The following MRTFB variants were observed in gnomAD, a reference collection of about 807,000 sequenced individuals.
The protein encoded by MRTFB is myocardin related transcription factor B.
A neutral mutation model predicts 104.2 loss-of-function variants in MRTFB; 29 were observed. That is an observed-to-expected ratio of 0.28 (90% CI 0.21 to 0.38). MRTFB has a LOEUF of 0.38. MRTFB is among the 10% of genes least tolerant of loss of function. The pLI is 1.00. For synonymous variants in MRTFB, 535 were observed against 519.5 expected (o/e 1.03, Z -0.41); for missense variants, 1,270 against 1,341.6 (o/e 0.95, Z 0.83).
At chr16:14,014,591 C>T in the MRTFB span, among the ~76,000 whole-genome samples, 3 of 151,864 alleles carry the variant, frequency 2.0e-5, no homozygotes, top group Non-Finnish European at 2.9e-5. Flanking sequence ...CAGTGGCTCA[C>T]GCCTGTAATC....
At chr16:14,182,953 A>G (rs2039819565) in intron 3 of MRTFB, among the ~76,000 whole-genome samples, 1 of 152,212 alleles carries the variant, frequency 6.6e-6, no homozygotes, top group African/African-American at 2.4e-5. Context: ...TAATAAATGT[A>G]GAAGGAATGA....
At chr16:14,009,963 C>T in the MRTFB span, among the ~76,000 whole-genome samples, 3 of 152,302 alleles carry the variant, frequency 2.0e-5, no homozygotes, top group Admixed American at 2.0e-4. Flanking sequence ...CATCCACTTG[C>T]TCACCAGAGG....
chr16:14,199,664 A>T (rs534386226), intron 3 of MRTFB, among the ~76,000 whole-genome samples: 2 of 152,216 alleles, frequency 1.3e-5, no homozygotes, highest in African/African-American at 4.8e-5. Flanking sequence ...ATGTATCTCA[A>T]ATCTATTCAT....
intron 3 of MRTFB, among the ~76,000 whole-genome samples, chr16:14,154,755 T>TA (rs1414772717): frequency 1.3e-5 from 2 of 152,222 alleles, no homozygotes; most frequent in Non-Finnish European, 2.9e-5. Context: ...CAAGCTTACT[T>TA]ACTTTGCTTT....
At chr16:14,070,015 C>T (rs1185743069), upstream of MRTFB, among the ~76,000 whole-genome samples, 1 of 152,212 alleles carries the variant, frequency 6.6e-6, no homozygotes, top group Non-Finnish European at 1.5e-5. Flanking sequence ...GCAATTGGTT[C>T]CGGGGAGAGT....
At chr16:14,180,292 G>A (rs1427073117) in intron 3 of MRTFB, among the ~76,000 whole-genome samples, 2 of 152,184 alleles carry the variant, frequency 1.3e-5, no homozygotes, top group Admixed American at 6.5e-5. Flanking sequence ...AGACATATTT[G>A]TATCAATAAG....
At chr16:14,150,641 T>G (rs2038567525) in intron 3 of MRTFB, among the ~76,000 whole-genome samples, 1 of 152,092 alleles carries the variant, frequency 6.6e-6, no homozygotes, top group African/African-American at 2.4e-5. Flanking sequence ...CAAGACCAGC[T>G]TGGACAATAT....
chr16:14,139,438 A>G (rs1429748993), intron 2 of MRTFB, among the ~76,000 whole-genome samples: 1 of 152,216 alleles, frequency 6.6e-6, no homozygotes, highest in Non-Finnish European at 1.5e-5. Flanking sequence ...AACAACTGGA[A>G]TTCTCATACC....
At chr16:14,208,015 A>G (rs2041025153) in intron 3 of MRTFB, among the ~76,000 whole-genome samples, 1 of 152,240 alleles carries the variant, frequency 6.6e-6, no homozygotes, top group Admixed American at 6.5e-5. Context: ...CCAGTTGGGC[A>G]TCCAGAATTG....
the MRTFB span, among the ~76,000 whole-genome samples, chr16:14,060,963 A>G: frequency 2.1e-3 from 316 of 152,154 alleles, 2 homozygotes; most frequent in Admixed American, 4.1e-3. Flanking sequence ...TGGCTAACAC[A>G]GTGAAACCCT....
chr16:14,246,312 ATCTGTT>A (rs1259258579), intron 11 of MRTFB, among the ~76,000 whole-genome samples, 155 bp from the exon 12 acceptor site: 1 of 152,172 alleles, frequency 6.6e-6, no homozygotes, highest in African/African-American at 2.4e-5. Context: ...GTCTGTAGTT[ATCTGTT>A]TCTGTGTGCT....
the MRTFB span, among the ~76,000 whole-genome samples, chr16:14,012,316 T>TTTTTG: frequency 6.8e-6 from 1 of 146,214 alleles, no homozygotes; most frequent in Non-Finnish European, 1.5e-5. Flanking sequence ...TTTTTTTTTT[T>TTTTTG]GAGACAGAGT....
chr16:14,219,567 A>G (rs559819428), intron 8 of MRTFB, among the ~76,000 whole-genome samples: 15 of 152,328 alleles, frequency 9.8e-5, no homozygotes, highest in African/African-American at 3.6e-4. Context: ...GCATCATAGA[A>G]TTTTTGAGTT....
chr16:14,008,545 T>C, the MRTFB span, among the ~76,000 whole-genome samples: 2 of 152,214 alleles, frequency 1.3e-5, no homozygotes, highest in East Asian at 3.8e-4. Flanking sequence ...AAGTGATCTA[T>C]ATGTCTGTCC....
At chr16:14,136,626 G>T (rs1358937645) in intron 2 of MRTFB, among the ~76,000 whole-genome samples, 1 of 152,024 alleles carries the variant, frequency 6.6e-6, no homozygotes, top group African/African-American at 2.4e-5. Flanking sequence ...CTGATTTGGG[G>T]ACTACCTTAG....
chr16:14,014,605 G>A, the MRTFB span, among the ~76,000 whole-genome samples: 2 of 152,020 alleles, frequency 1.3e-5, no homozygotes, highest in Non-Finnish European at 2.9e-5. Context: ...TGTAATCTCA[G>A]CACTTTGGGA....
chr16:14,000,736 C>T, the MRTFB span, among the ~76,000 whole-genome samples: 1 of 152,230 alleles, frequency 6.6e-6, no homozygotes, highest in Non-Finnish European at 1.5e-5. Flanking sequence ...GACAACCACA[C>T]CTCTCTGTCC....
intron 2 of MRTFB, among the ~76,000 whole-genome samples, chr16:14,097,595 C>G (rs944483986): frequency 2.6e-5 from 4 of 152,174 alleles, no homozygotes; most frequent in Non-Finnish European, 4.4e-5. Context: ...TAATTGGCAT[C>G]CAGTAAACTG....
At chr16:14,254,739 TCA>T (rs2043405802) in intron 15 of MRTFB, among the ~76,000 whole-genome samples, 1 of 152,244 alleles carries the variant, frequency 6.6e-6, no homozygotes, top group Admixed American at 6.5e-5. Flanking sequence ...ACAGCAGAAT[TCA>T]CAGTTGCCAC....
Sources: allele counts gnomAD v4.1 joint callset (sites outside exome capture counted in the v4.1 genomes callset), GRCh38; gene constraint gnomAD v4.1.1; transcripts MANE v1.5; gene names NCBI Gene and HGNC (gene_info 2026-07-23, HGNC 2026-07-21).